The following MZT2A variants were observed in gnomAD, a reference collection of about 807,000 sequenced individuals.
MZT2A encodes mitotic-spindle organizing protein 2A.
In MZT2A, 8 loss-of-function variants were observed where a neutral mutation model predicts 12.4. That is an observed-to-expected ratio of 0.64 (90% confidence interval 0.38 to 1.16). The LOEUF (loss-of-function observed/expected upper bound fraction) is 1.16, where lower values mean the gene tolerates loss of function less well. MZT2A is among the 50% of genes most tolerant of loss of function. The probability of loss-of-function intolerance (pLI) is 0.01; values close to 1 mark genes in which losing one functional copy is unlikely to be tolerated. For synonymous variants in MZT2A, 88 were observed against 107.5 expected, an observed-to-expected ratio of 0.82 and a Z score of 1.12; for missense variants, 181 against 223.6, an observed-to-expected ratio of 0.81 and a Z score of 1.22.
chr2:131,483,055 G>A (rs1678915844), downstream of MZT2A: 1 of 813,872 alleles, frequency 1.2e-6, no homozygotes, highest in Non-Finnish European at 1.9e-6. Context: ...GGTGCAGCAG[G>A]ACTGTACATA....
At chr2:131,480,689 C>T (rs779113770), downstream of MZT2A, 15 of 1,613,714 alleles carry the variant, frequency 9.3e-6, 1 homozygote, top group Non-Finnish European at 1.2e-5. Flanking sequence ...ACGCGGCCAT[C>T]GCCACCATCA....
At chr2:131,482,871 C>T (rs778953667), downstream of MZT2A, 11 of 1,601,942 alleles carry the variant, frequency 6.9e-6, no homozygotes, top group Admixed American at 6.7e-5. Context: ...GTGGGTTCTC[C>T]CCTGCCACCC....
At chr2:131,482,038 G>A (rs749183693), downstream of MZT2A, among the ~76,000 whole-genome samples, 1 of 152,184 alleles carries the variant, frequency 6.6e-6, no homozygotes, top group East Asian at 1.9e-4. Flanking sequence ...GGACCACTTC[G>A]ACCACTTCCT....
intron 2 of MZT2A, among the ~76,000 whole-genome samples, chr2:131,485,808 C>A (rs1156322517): frequency 2.0e-5 from 3 of 151,898 alleles, no homozygotes; most frequent in African/African-American, 7.3e-5. Context: ...GTCTAGGGAC[C>A]CATTAGGTCA....
In MZT2A at chr2:131,491,966, T is replaced by C; in HGVS notation, c.229A>G (p.Lys77Glu). ...VAPLAVFQML[K>E]SMCAGQRLAS... ...AGCCTCTGCCCGGCACACATGGACT[T>C]GAGCATCTGGAAGACGGCGAGGGGG... Residue 77 changes from lysine to glutamate, a missense_variant, in exon 2 of 3, where the codon AAG (lysine) becomes GAG (glutamate). Lys to Glu is a moderately conservative substitution (Grantham distance 56). This residue lies in a region of MZT2A where 106 missense variants were observed against 127.2 expected (regional missense o/e 0.83). Transcript: ENST00000309451. 6.5e-7 allele frequency: 1 copy of C among 1,550,006 alleles called. No homozygotes were observed. The highest frequency in any genetic ancestry group is 2.4e-5 in the East Asian group (1 of 41,438).
At chr2:131,489,973 T>A (rs572863841) in intron 2 of MZT2A, 796 of 977,318 alleles carry the variant, frequency 8.1e-4, no homozygotes, top group Non-Finnish European at 9.3e-4. Context: ...CTGTTCCCAG[T>A]TTCTCCCTCC....
chr2:131,483,847 A>G (rs1347790245), downstream of MZT2A: 18 of 1,110,552 alleles, frequency 1.6e-5, no homozygotes, highest in Non-Finnish European at 1.9e-5. Flanking sequence ...CAGGAAGTTG[A>G]CCCATGGTGA....
chr2:131,492,959 G>A, upstream of MZT2A: 3 of 1,523,606 alleles, frequency 2.0e-6, no homozygotes, highest in Non-Finnish European at 2.7e-6. Context: ...CTCCCTGGCC[G>A]GCCGGCCGGC....
chr2:131,491,170 A>G (rs1679281809), intron 2 of MZT2A: 2 of 530,814 alleles, frequency 3.8e-6, no homozygotes, highest in South Asian at 2.0e-5. Context: ...CAACATGCGG[A>G]GAGGATGAGC....
At chr2:131,472,136 T>C in exon 3 of MZT2A, 1 of 1,290,194 alleles carries the variant, frequency 7.8e-7, no homozygotes, top group Non-Finnish European at 1.0e-6. Context: ...AGCTGCTGTG[T>C]GAAATCTTGT....
upstream of MZT2A, chr2:131,492,726 C>T: frequency 8.0e-7 from 1 of 1,250,726 alleles, no homozygotes. Context: ...ATACCTGTTT[C>T]AAGAAAGCGT....
intron 2 of MZT2A, chr2:131,476,339 G>C: frequency 1.4e-6 from 2 of 1,469,474 alleles, no homozygotes; most frequent in Non-Finnish European, 1.8e-6. Flanking sequence ...CGGGACAGGA[G>C]GACACGGGAT....
upstream of MZT2A, chr2:131,492,784 G>GT (rs1345760560): frequency 8.1e-6 from 11 of 1,352,660 alleles, no homozygotes; most frequent in Non-Finnish European, 1.1e-5. Flanking sequence ...CGCTCTTCGG[G>GT]GGGGGTGGGG....
chr2:131,485,515 T>C (rs550109188), intron 2 of MZT2A, among the ~76,000 whole-genome samples: 1 of 152,318 alleles, frequency 6.6e-6, no homozygotes, highest in South Asian at 2.1e-4. Flanking sequence ...GAGGGCACGC[T>C]GCAGCCCCCT....
chr2:131,491,412 A>C, intron 2 of MZT2A: 1 of 280,578 alleles, frequency 3.6e-6, no homozygotes, highest in South Asian at 3.9e-5. Context: ...GCTGTATACC[A>C]CAGGACAGAG....
At chr2:131,487,955 T>C (rs535242804) in intron 2 of MZT2A, among the ~76,000 whole-genome samples, 3 of 152,294 alleles carry the variant, frequency 2.0e-5, no homozygotes, top group Non-Finnish European at 2.9e-5. Context: ...TTTGTAGAGA[T>C]TGGGTCTCCC....
chr2:131,486,821 C>G (rs1253766843), intron 2 of MZT2A, among the ~76,000 whole-genome samples: 7 of 152,086 alleles, frequency 4.6e-5, no homozygotes, highest in Non-Finnish European at 8.8e-5. Flanking sequence ...ACAGGGTTGA[C>G]AAACCCTGGA....
Position 131,478,155 on chromosome 2 carries a change from T to G in MZT2A, c.279-5973A>C, listed in dbSNP as rs2695519. ...ATGAATGGGTTCACTTTTATGTTCC[T>G]GTTCACAGCGCGAGTGTATCTCTAT... On this transcript the variant is annotated intron_variant and NMD_transcript_variant, in intron 2 of 4. Coordinates refer to the MZT2A transcript ENST00000427024. The G allele has an allele frequency of 2.2e-3, 3,480 of 1,609,860 alleles. 73 individuals carry two copies. The African/African-American group carries it at 0.039, about 18-fold the overall frequency.
chr2:131,484,739 TTTCA>T (rs1437254944), intron 2 of MZT2A, among the ~76,000 whole-genome samples: 5 of 152,194 alleles, frequency 3.3e-5, no homozygotes, highest in Admixed American at 3.3e-4. Context: ...TTGGAAGCTC[TTTCA>T]TTGTTTCCTA....
Sources: allele counts gnomAD v4.1 joint callset (sites outside exome capture counted in the v4.1 genomes callset), GRCh38; gene constraint gnomAD v4.1.1; regional missense constraint gnomAD v4.1.1; transcripts MANE v1.5; gene names NCBI Gene and HGNC (gene_info 2026-07-23, HGNC 2026-07-21).